TPR: variants seen among roughly 807,000 people sequenced by gnomAD.
The protein encoded by TPR is translocated promoter region, nuclear basket protein.
In TPR, 51 loss-of-function variants were observed where a neutral mutation model predicts 316.1. The observed-to-expected ratio is 0.16, with a 90% CI of 0.13 to 0.20. TPR has a LOEUF of 0.20. Among genes scored for constraint, TPR ranks in the 10% least tolerant of loss-of-function variants. TPR has a pLI of 1.00. For missense variants in TPR, 2,272 were observed against 2,754.8 expected (o/e 0.82, Z 3.92); for synonymous variants, 981 against 914.7 (o/e 1.07, Z -1.31).
intron 9 of TPR, 132 bp from the exon 10 acceptor site, chr1:186,361,037 T>C: frequency 1.0e-6 from 1 of 958,826 alleles, no homozygotes; most frequent in Non-Finnish European, 1.5e-6. Flanking sequence ...GCTGACAGTA[T>C]CTATTGAAAG....
intron 45 of TPR, among the ~76,000 whole-genome samples, chr1:186,321,233 T>C (rs1361339580): frequency 6.6e-6 from 1 of 152,218 alleles, no homozygotes; most frequent in East Asian, 1.9e-4. Flanking sequence ...TGTGGCTAAC[T>C]GAGCAAGTTT....
chr1:186,326,022 G>A, intron 41 of TPR, 82 bp downstream of exon 41: 1 of 1,584,452 alleles, frequency 6.3e-7, no homozygotes, highest in African/African-American at 1.4e-5. Flanking sequence ...AATTTCATAA[G>A]CCTTTCTATA....
At chr1:186,346,360 C>T in intron 22 of TPR, 73 bp from the exon 23 acceptor site, 1 of 1,400,704 alleles carries the variant, frequency 7.1e-7, no homozygotes, top group Non-Finnish European at 9.6e-7. Context: ...TTCTCCAAAT[C>T]AAAACTAATT....
Position 186,313,858 on chromosome 1 carries a change from A to G in TPR, c.*113T>C. ...ACTGAAAAACATTTTATTAATAAAG[A>G]ATATTGACATGAGTATACCAGTTTA... is the stretch of plus-strand genomic sequence containing the variant. On this transcript the variant is annotated 3_prime_UTR_variant, in exon 51 of 51. Coordinates refer to ENST00000367478, the MANE Select transcript of TPR (RefSeq NM_003292.3). The G allele has an allele frequency of 6.8e-7, 1 of 1,470,012 alleles. No individual in the cohort carries two copies. Among genetic ancestry groups the G allele is most frequent in the South Asian group, 1.1e-5 (1 of 87,910 alleles). The allele number at this position is 1,470,012 out of a possible 1,614,324, so 91.1% of individuals were successfully genotyped here.
chr1:186,331,344 AAGC>A (rs908743741), intron 39 of TPR, among the ~76,000 whole-genome samples, 151 bp downstream of exon 39: 1 of 152,152 alleles, frequency 6.6e-6, no homozygotes, highest in Non-Finnish European at 1.5e-5. Context: ...GAGTAAAAGA[AAGC>A]AGACTCTGCA....
chr1:186,373,445 A>C lies in TPR; in HGVS notation c.170T>G (p.Ile57Arg). Residue 57 changes from isoleucine (I) to arginine (R), a missense_variant, in exon 2 of 51, where the codon ATA (isoleucine) becomes AGA (arginine). Physicochemically the swap from Ile to Arg is moderately conservative, Grantham distance 97. Coordinates refer to ENST00000367478, the MANE Select transcript of TPR (RefSeq NM_003292.3). ...CTGACTGTGGGACAACCTCTTTTCT[A>C]TTTCAAAATACTGTTGTTCTACAGC... is the stretch of plus-strand genomic sequence containing the variant. ...KVESEQQYFE[I>R]EKRLSHSQER... 3 of 1,612,786 alleles carry C rather than the reference A, an allele frequency of 1.9e-6. No individual in the cohort carries two copies. The highest frequency in any genetic ancestry group is 1.7e-6 in the Non-Finnish European group (2 of 1,179,436).
chr1:186,331,380 C>T, intron 39 of TPR, 118 bp downstream of exon 39: 2 of 642,646 alleles, frequency 3.1e-6, no homozygotes, highest in Non-Finnish European at 2.6e-6. Context: ...AGTAGTATTT[C>T]ATTACATATA....
At chr1:186,350,562 C>A (rs1658830291) in intron 20 of TPR, among the ~76,000 whole-genome samples, 174 bp from the exon 21 acceptor site, 1 of 152,066 alleles carries the variant, frequency 6.6e-6, no homozygotes, top group African/African-American at 2.4e-5. Context: ...AACCGAGATC[C>A]TGAGACAGAA....
rs79035205 is a variant in TPR, at chr1:186,363,029, A to T, written c.532-28T>A. 2.7e-4 allele frequency: 432 copies of T among 1,576,158 alleles called. 3 individuals carry two copies. The African/African-American group carries it at 5.2e-3, about 19-fold the overall frequency. ...AAAGAAATCCAAGAAAATAACACGT[A>T]CAGTTAAAGATGATATATGATTATT... On this transcript the variant is annotated intron_variant, in intron 5 of 50. Transcript: ENST00000367478.
intron 44 of TPR, 33 bp downstream of exon 44, chr1:186,322,485 T>C (rs1657800953): frequency 1.2e-6 from 2 of 1,613,258 alleles, no homozygotes; most frequent in African/African-American, 1.3e-5. Flanking sequence ...GCTCAAGAAA[T>C]GAATTACTTT....
Position 186,313,880 on chromosome 1 carries a change from T to A in TPR, c.*91A>T. The A allele has an allele frequency of 6.7e-7, 1 of 1,483,616 alleles. No individual in the cohort carries two copies. The allele number at this position is 1,483,616 out of a possible 1,614,324, so 91.9% of individuals were successfully genotyped here. A position where few individuals can be genotyped will look rare whatever the true frequency, so the allele number is the denominator to read the frequency against. On this transcript the variant is annotated 3_prime_UTR_variant, in exon 51 of 51. Transcript: ENST00000367478. ...AAGAATATTGACATGAGTATACCAG[T>A]TTATATATAAAAATGTTTTTAAACT... is the stretch of plus-strand genomic sequence containing the variant.
Position 186,313,642 on chromosome 1 carries a change from T to C in TPR, c.*329A>G, listed in dbSNP as rs1265302714. On this transcript the variant is annotated 3_prime_UTR_variant, in exon 51 of 51. Transcript: ENST00000367478. The stretch of plus-strand genomic sequence containing the variant: ...AGTTATTTTTTAGTTTGGGCATTGT[T>C]TTCTTTTTAACTAAAAAAATGTTTT... The C allele has an allele frequency of 7.9e-7, 1 of 1,270,286 alleles. No individual in the cohort carries two copies. The highest frequency in any genetic ancestry group is 1.7e-5 in the Admixed American group (1 of 59,436). The allele number at this position is 1,270,286 out of a possible 1,614,324, so 78.7% of individuals were successfully genotyped here. A position where few individuals can be genotyped will look rare whatever the true frequency, so the allele number is the denominator to read the frequency against.
In TPR at chr1:186,364,422, A is replaced by G. The variant is rs558653173; in HGVS notation, c.428-977T>C. Among the ~76,000 whole-genome samples the G allele has an allele frequency of 8.5e-4, 130 of 152,286 alleles. 1 individual carries two copies. The highest frequency in any genetic ancestry group is 1.6e-3 in the Non-Finnish European group (108 of 68,004). The stretch of plus-strand genomic sequence containing the variant: ...AAATAAAAAGAAAATTCGTAAAGCC[A>G]TCACTGCAGCTACGCCAGCAAGCAT... On this transcript the variant is annotated intron_variant, in intron 4 of 50. Coordinates refer to ENST00000367478, the MANE Select transcript of TPR (RefSeq NM_003292.3).
In TPR at chr1:186,359,840, C is replaced by T; in HGVS notation, c.1348G>A (p.Ala450Thr). 1.3e-6 allele frequency: 2 copies of T among 1,589,968 alleles called. No homozygotes were observed. The highest frequency in any genetic ancestry group is 2.7e-5 in the African/African-American group (2 of 73,006). Residue 450 changes from alanine (A) to threonine (T), a missense_variant, in exon 12 of 51, where the codon GCT becomes ACT. Ala to Thr is a moderately conservative substitution (Grantham distance 58). Coordinates refer to ENST00000367478, the MANE Select transcript of TPR (RefSeq NM_003292.3). The stretch of plus-strand genomic sequence containing the variant: ...AGCTTAACAGATAAACTTGCTACAG[C>T]TTTCTGTGCACGTTCATATTCCTCA... ...QREEYERAQK[A>T]VASLSVKLEQ...
At chr1:186,325,195 A>G (rs1320953539) in intron 42 of TPR, among the ~76,000 whole-genome samples, 1 of 152,190 alleles carries the variant, frequency 6.6e-6, no homozygotes, top group Non-Finnish European at 1.5e-5. Context: ...ATCAGTTGTT[A>G]GTTATCTATT....
intron 4 of TPR, among the ~76,000 whole-genome samples, chr1:186,365,294 C>T (rs1162947851): frequency 6.6e-6 from 1 of 151,976 alleles, no homozygotes; most frequent in Admixed American, 6.6e-5. Context: ...TGGGGTTCTG[C>T]CATGTTGACC....
intron 14 of TPR, among the ~76,000 whole-genome samples, chr1:186,356,989 C>T (rs1055540868): frequency 5.3e-5 from 8 of 152,168 alleles, no homozygotes; most frequent in Admixed American, 2.0e-4. Flanking sequence ...GGTATTGTTG[C>T]TCAATTCTTT....
chr1:186,346,342 C>T (rs35942197), intron 22 of TPR, 55 bp from the exon 23 acceptor site: 19 of 1,481,938 alleles, frequency 1.3e-5, no homozygotes, highest in Non-Finnish European at 1.7e-5. Flanking sequence ...TAAAGTCATA[C>T]AATTATTTTC....
rs1176342911 is a variant in TPR, at chr1:186,322,422, A to G, written c.6367-10T>C. 1 of 1,612,226 alleles carries G rather than the reference A, an allele frequency of 6.2e-7. No homozygotes were observed. The highest frequency in any genetic ancestry group is 8.5e-7 in the Non-Finnish European group (1 of 1,179,428). On this transcript the variant is annotated splice_polypyrimidine_tract_variant and intron_variant, in intron 44 of 50. Coordinates refer to ENST00000367478, the MANE Select transcript of TPR (RefSeq NM_003292.3). The stretch of plus-strand genomic sequence containing the variant: ...CAAAAAAATGCTGTTGCTAAAACAA[A>G]GAAAACAGAGTTAACAAACAAAACA...
Sources: allele counts gnomAD v4.1 joint callset (sites outside exome capture counted in the v4.1 genomes callset), GRCh38; gene constraint gnomAD v4.1.1; transcripts MANE v1.5; gene names NCBI Gene and HGNC (gene_info 2026-07-23, HGNC 2026-07-21).